APLP2: variants seen among roughly 807,000 people sequenced by gnomAD.
APLP2 encodes the protein amyloid beta precursor like protein 2, also known as CDEI box-binding protein.
In APLP2, 53 loss-of-function variants were observed where a neutral mutation model predicts 89.9. That is an observed-to-expected ratio of 0.59 (90% confidence interval 0.47 to 0.74). The LOEUF (loss-of-function observed/expected upper bound fraction) is 0.74, where lower values mean the gene tolerates loss of function less well. APLP2 is among the 30% of genes least tolerant of loss of function. The pLI, the probability that APLP2 is intolerant of heterozygous loss-of-function variation, is 0.00. For missense variants in APLP2, 973 were observed against 975.9 expected (o/e 1.00, Z 0.04); for synonymous variants, 372 against 348.6 (o/e 1.07, Z -0.75).
intron 1 of APLP2, among the ~76,000 whole-genome samples, chr11:130,072,065 T>C (rs1034371693): frequency 5.3e-5 from 8 of 152,220 alleles, no homozygotes; most frequent in African/African-American, 1.9e-4. Context: ...GAATTATTGA[T>C]TGGCAAATCT....
rs1175305104 is a variant in APLP2 at position 130,141,844 on chromosome 11, C to G, written c.1999-75C>G. 2.6e-6 allele frequency: 4 copies of G among 1,524,718 alleles called. No homozygotes were observed. The highest frequency in any genetic ancestry group is 3.6e-6 in the Non-Finnish European group (4 of 1,121,926). The allele number at this position is 1,524,718 out of a possible 1,614,324, so 94.4% of individuals were successfully genotyped here. ...GGGGCTCGACCTTCCAGGAGCGTGG[C>G]CCTCAGTGAGTTACTTGCCTCACGG... On this transcript the variant is annotated intron_variant, in intron 15 of 16. Transcript: ENST00000338167. This position sits in a 1 kb window ranked among gnomAD's most constrained non-coding sequence, Gnocchi z 4.2.
chr11:130,108,879 T>C (rs6590444), intron 1 of APLP2: 3 of 152,010 alleles, frequency 2.0e-5, no homozygotes, highest in Non-Finnish European at 4.4e-5. Flanking sequence ...CATAAAAAGG[T>C]TGAGTTCATG....
intron 3 of APLP2, 94 bp downstream of exon 3, chr11:130,110,755 TAAG>T (rs1453666370): frequency 9.9e-6 from 14 of 1,411,432 alleles, no homozygotes; most frequent in South Asian, 7.2e-5. Context: ...TTACACCTGT[TAAG>T]AAGCTGAGTG....
intron 2 of APLP2, 77 bp from the exon 3 acceptor site, chr11:130,110,461 A>G (rs1948403892): frequency 1.9e-6 from 3 of 1,555,414 alleles, no homozygotes; most frequent in Non-Finnish European, 2.6e-6. Flanking sequence ...GAATAAACTT[A>G]GACACTCCAT....
At chr11:130,112,066 T>G (rs1433349119) in intron 3 of APLP2, among the ~76,000 whole-genome samples, 5 of 152,270 alleles carry the variant, frequency 3.3e-5, no homozygotes, top group Admixed American at 6.5e-5. Flanking sequence ...TGCGGTCAGT[T>G]TCTGAGCCAG....
chr11:130,085,709 A>G lies in APLP2; in HGVS notation c.105+15627A>G, dbSNP rs548388218. ...CCATTTCCAGTACTTTTTCATCCAAACAGAAACCCTGTACCCATTAGACAC... is the reference window on the plus strand; with the variant it reads ...CCATTTCCAGTACTTTTTCATCCAAGCAGAAACCCTGTACCCATTAGACAC... On this transcript the variant is annotated intron_variant, in intron 1 of 16. Coordinates refer to ENST00000338167, the MANE Select transcript of APLP2 (RefSeq NM_001142276.2). 9.9e-5 allele frequency among the ~76,000 whole-genome samples: 15 copies of G among 152,272 alleles called. No individual in the cohort carries two copies. In the South Asian group the frequency reaches 2.9e-3, roughly 29 times the overall value.
At position 130,112,981 on chromosome 11, in the gene APLP2, C is replaced by T. The variant is rs188506404; in HGVS notation, c.403+2320C>T. 1.3e-4 allele frequency among the ~76,000 whole-genome samples: 20 copies of T among 152,278 alleles called. 1 individual carries two copies. The East Asian group carries it at 3.9e-3, about 30-fold the overall frequency. ...GGGAAGTTCTTCCTGCAAGGCTTAC[C>T]TCAGGAGTTGCCTCCTTTAAAGGGA... On this transcript the variant is annotated intron_variant, in intron 3 of 16. Transcript: ENST00000338167.
At position 130,116,886 on chromosome 11, in the gene APLP2, TTGGGAGGCTGGGA is replaced by T. The variant is rs1392886183; in HGVS notation, c.404-3812_404-3800del. Among the ~76,000 whole-genome samples, 4 of 152,192 alleles carry T rather than the reference TTGGGAGGCTGGGA, an allele frequency of 2.6e-5. No homozygotes were observed. In the East Asian group the frequency reaches 7.8e-4, roughly 30 times the overall value. ...GGCTTATGCCTGTAATCACAGCACT[TTGGGAGGCTGGGA>T]TGGGAGGATCATTTGAGATCAGGAG... is the stretch of plus-strand genomic sequence containing the variant. On this transcript the variant is annotated intron_variant, in intron 3 of 16. Coordinates refer to ENST00000338167, the MANE Select transcript of APLP2 (RefSeq NM_001142276.2).
intron 1 of APLP2, among the ~76,000 whole-genome samples, chr11:130,087,672 T>C (rs757342670): frequency 3.3e-5 from 5 of 152,220 alleles, no homozygotes; most frequent in Non-Finnish European, 7.4e-5. Flanking sequence ...AAAAACCACA[T>C]TTCATAGCAG....
At chr11:130,130,761 C>G (rs935002866) in intron 11 of APLP2, among the ~76,000 whole-genome samples, 9 of 152,218 alleles carry the variant, frequency 5.9e-5, no homozygotes, top group Non-Finnish European at 8.8e-5. Context: ...CAACGCTGAT[C>G]TTACTTGATT....
chr11:130,116,428 A>G (rs1293591558), intron 3 of APLP2, among the ~76,000 whole-genome samples: 2 of 152,218 alleles, frequency 1.3e-5, no homozygotes, highest in Non-Finnish European at 2.9e-5. Context: ...TGATATTAAT[A>G]ACACTAATGA....
chr11:130,071,279 C>CT (rs1237344862), intron 1 of APLP2, among the ~76,000 whole-genome samples: 3 of 152,160 alleles, frequency 2.0e-5, no homozygotes, highest in African/African-American at 7.2e-5. Context: ...AAAAATAAAT[C>CT]TAATAAAAAG....
chr11:130,122,112 A>G (rs538662246), intron 5 of APLP2, among the ~76,000 whole-genome samples, 193 bp from the exon 6 acceptor site: 4 of 152,280 alleles, frequency 2.6e-5, no homozygotes, highest in African/African-American at 9.6e-5. Context: ...TTGTATCATG[A>G]TTAGATTCAA....
intron 1 of APLP2, among the ~76,000 whole-genome samples, chr11:130,095,851 T>G (rs151192148): frequency 6.6e-6 from 1 of 152,230 alleles, no homozygotes; most frequent in Non-Finnish European, 1.5e-5. Flanking sequence ...GCATAGACTT[T>G]AGAGTCAGTT....
At chr11:130,084,619 A>G (rs1035491740) in intron 1 of APLP2, among the ~76,000 whole-genome samples, 1 of 152,198 alleles carries the variant, frequency 6.6e-6, no homozygotes, top group Non-Finnish European at 1.5e-5. Context: ...ATGGGAAATT[A>G]GATGATGTTT....
At chr11:130,127,216 T>G (rs1244788243) in intron 8 of APLP2, among the ~76,000 whole-genome samples, 2 of 152,146 alleles carry the variant, frequency 1.3e-5, no homozygotes, top group African/African-American at 2.4e-5. Flanking sequence ...AAAGCAAACA[T>G]GTACTAATAC....
At chr11:130,075,082 G>T (rs1465533669) in intron 1 of APLP2, among the ~76,000 whole-genome samples, 1 of 152,352 alleles carries the variant, frequency 6.6e-6, no homozygotes, top group East Asian at 1.9e-4. Context: ...CCAGTCCTTT[G>T]TGTCAAGTAC....
At chr11:130,110,834 ACCT>A (rs1948454785) in intron 3 of APLP2, among the ~76,000 whole-genome samples, 173 bp downstream of exon 3, 1 of 151,176 alleles carries the variant, frequency 6.6e-6, no homozygotes, top group Admixed American at 6.6e-5. Flanking sequence ...TCAGTGGTTG[ACCT>A]CCTCTCAGTG....
chr11:130,121,465 T>A (rs1949809433), intron 4 of APLP2, 149 bp from the exon 5 acceptor site: 1 of 856,060 alleles, frequency 1.2e-6, no homozygotes, highest in Non-Finnish European at 1.6e-6. Context: ...ATTATTACAA[T>A]TTTTTTTTGA....
Sources: allele counts gnomAD v4.1 joint callset (sites outside exome capture counted in the v4.1 genomes callset), GRCh38; gene constraint gnomAD v4.1.1; non-coding constraint Gnocchi (gnomAD v3.1); transcripts MANE v1.5; gene names NCBI Gene and HGNC (gene_info 2026-07-23, HGNC 2026-07-21).